Variants in NEK11 observed in about 807,000 individuals in gnomAD.
NEK11 encodes NIMA related kinase 11.
Under a neutral mutation model 80.7 loss-of-function variants are expected in NEK11, and 72 were observed. That is an observed-to-expected ratio of 0.89 (90% confidence interval 0.74 to 1.08). NEK11 has a LOEUF of 1.08. Among genes scored for constraint, NEK11 ranks in the 50% least tolerant of loss-of-function variants. NEK11 has a pLI of 0.00. For synonymous variants in NEK11, 251 were observed against 260.7 expected (o/e 0.96, Z 0.36); for missense variants, 764 against 763.6 (o/e 1.00, Z -0.01).
intron 3 of NEK11, among the ~76,000 whole-genome samples, chr3:131,063,251 C>T (rs909743920): frequency 1.3e-5 from 2 of 152,152 alleles, no homozygotes; most frequent in African/African-American, 4.8e-5. Flanking sequence ...TCTGAAGCTC[C>T]TGGACTTAAG....
chr3:131,109,400 G>T (rs1244533483), intron 4 of NEK11: 1 of 153,590 alleles, frequency 6.5e-6, no homozygotes, highest in African/African-American at 2.4e-5. Flanking sequence ...GCTCATCAAA[G>T]TTAGACTCCT....
intron 14 of NEK11, among the ~76,000 whole-genome samples, chr3:131,194,220 T>C (rs1456654690): frequency 6.6e-6 from 1 of 152,220 alleles, no homozygotes; most frequent in Admixed American, 6.5e-5. Flanking sequence ...TGTATTCCTT[T>C]TGTTGTTTAA....
chr3:131,210,790 T>G (rs2094585921), intron 14 of NEK11, among the ~76,000 whole-genome samples: 1 of 152,220 alleles, frequency 6.6e-6, no homozygotes, highest in Admixed American at 6.5e-5. Context: ...AAACTAAGAT[T>G]GCAATCGCTG....
intron 17 of NEK11, among the ~76,000 whole-genome samples, chr3:131,281,440 T>C (rs2096394392): frequency 6.6e-6 from 1 of 152,236 alleles, no homozygotes; most frequent in Admixed American, 6.5e-5. Context: ...TATTCTTCAC[T>C]TCTTTTTACA....
At position 131,137,913 on chromosome 3, in the gene NEK11, C is replaced by T. The variant is rs149389785; in HGVS notation, c.647+3957C>T. On this transcript the variant is annotated intron_variant, in intron 7 of 17. Transcript: ENST00000383366. Reference sequence around the variant, plus strand: ...AGTAGATGTATATATTTATGGGGTACATGAAATATTTTGATATAGGCATGC... The same window carrying T: ...AGTAGATGTATATATTTATGGGGTATATGAAATATTTTGATATAGGCATGC... 3.5e-3 allele frequency among the ~76,000 whole-genome samples: 527 copies of T among 152,150 alleles called. 1 individual carries two copies. Among genetic ancestry groups the T allele is most frequent in the African/African-American group, 0.012 (499 of 41,508 alleles).
At chr3:131,265,250 T>C (rs2096024993) in intron 16 of NEK11, among the ~76,000 whole-genome samples, 1 of 152,214 alleles carries the variant, frequency 6.6e-6, no homozygotes, top group Admixed American at 6.5e-5. Flanking sequence ...TCCAATACTA[T>C]GTTGAATAGG....
chr3:131,257,653 T>G (rs12632194), intron 16 of NEK11, among the ~76,000 whole-genome samples: 1 of 151,978 alleles, frequency 6.6e-6, no homozygotes, highest in East Asian at 1.9e-4. Flanking sequence ...CTGACGATAG[T>G]GAGAGCTACA....
At chr3:131,287,989 C>G (rs1344865172) in intron 17 of NEK11, among the ~76,000 whole-genome samples, 1 of 152,122 alleles carries the variant, frequency 6.6e-6, no homozygotes, top group Non-Finnish European at 1.5e-5. Context: ...CATAAAAAAC[C>G]TGGTGGCAAA....
At chr3:131,194,452 A>T (rs1483320183) in intron 14 of NEK11, among the ~76,000 whole-genome samples, 1 of 152,096 alleles carries the variant, frequency 6.6e-6, no homozygotes, top group Non-Finnish European at 1.5e-5. Context: ...TTTCAATAGG[A>T]TCCTATAAAT....
chr3:131,336,151 G>A (rs558480695), intron 17 of NEK11, among the ~76,000 whole-genome samples: 7 of 152,136 alleles, frequency 4.6e-5, no homozygotes, highest in East Asian at 1.9e-4. Flanking sequence ...AAAAGAGCCC[G>A]CATCACCAAG....
At chr3:131,322,658 A>G (rs1322178804) in intron 17 of NEK11, among the ~76,000 whole-genome samples, 1 of 152,156 alleles carries the variant, frequency 6.6e-6, no homozygotes, top group Non-Finnish European at 1.5e-5. Flanking sequence ...AGGAGGGGTG[A>G]GAGATTCTGC....
At position 131,261,721 on chromosome 3, in the gene NEK11, C is replaced by T. The variant is rs1299693536; in HGVS notation, c.1622-11757C>T. Among the ~76,000 whole-genome samples the T allele has an allele frequency of 2.0e-5, 3 of 152,058 alleles. No individual in the cohort carries two copies. The East Asian group carries it at 5.8e-4, about 29-fold the overall frequency. ...GCATGCCCCATACATAGTATAGTGT[C>T]TTATGTATATGTACTCCATAGTACT... On this transcript the variant is annotated intron_variant, in intron 16 of 17. Coordinates refer to ENST00000383366, the MANE Select transcript of NEK11 (RefSeq NM_024800.5).
At chr3:131,102,541 G>A (rs2078542973) in intron 4 of NEK11, among the ~76,000 whole-genome samples, 1 of 152,148 alleles carries the variant, frequency 6.6e-6, no homozygotes, top group African/African-American at 2.4e-5. Context: ...CCGCTGAGAG[G>A]TTTGCTGCTA....
At chr3:131,140,940 T>A (rs1286300103) in intron 7 of NEK11, among the ~76,000 whole-genome samples, 4 of 152,166 alleles carry the variant, frequency 2.6e-5, no homozygotes, top group Non-Finnish European at 5.9e-5. Flanking sequence ...ATTCCCATGA[T>A]TCAGTGGTAT....
chr3:131,170,720 A>G (rs111500010), intron 13 of NEK11, 53 bp from the exon 14 acceptor site: 2 of 1,028,720 alleles, frequency 1.9e-6, no homozygotes, highest in Non-Finnish European at 3.1e-6. Flanking sequence ...CATTTGTGGT[A>G]GTGCTGTTTC....
At chr3:131,209,652 C>G (rs1467851801) in intron 14 of NEK11, among the ~76,000 whole-genome samples, 1 of 152,180 alleles carries the variant, frequency 6.6e-6, no homozygotes, top group African/African-American at 2.4e-5. Context: ...ACTGTTGCCT[C>G]AATTTCAGGG....
At chr3:131,242,672 A>G (rs567555627) in intron 15 of NEK11, among the ~76,000 whole-genome samples, 1 of 152,040 alleles carries the variant, frequency 6.6e-6, no homozygotes, top group South Asian at 2.1e-4. Flanking sequence ...CCCACCTTGG[A>G]CTCCCAAAAT....
chr3:131,251,901 T>C (rs1260326254), intron 16 of NEK11, among the ~76,000 whole-genome samples: 1 of 152,120 alleles, frequency 6.6e-6, no homozygotes, highest in East Asian at 1.9e-4. Context: ...GAAATACCTG[T>C]CTGGTGTGGA....
rs1183567980 is a variant in NEK11, at chr3:131,350,034, C to T, written c.*258C>T. 1 of 423,618 alleles carries T rather than the reference C, an allele frequency of 2.4e-6. No individual in the cohort carries two copies. The highest frequency in any genetic ancestry group is 2.0e-5 in the African/African-American group (1 of 49,472). The allele number at this position is 423,618 out of a possible 1,614,324, so 26.2% of individuals were successfully genotyped here. A position where few individuals can be genotyped will look rare whatever the true frequency, so the allele number is the denominator to read the frequency against. The stretch of plus-strand genomic sequence containing the variant: ...TTTGGCTCCCTTGAAAAGCATTTCT[C>T]TCATGTGCGCCCTCAGGGCTTCCAG... On this transcript the variant is annotated 3_prime_UTR_variant, in exon 18 of 18. Transcript: ENST00000383366.
Sources: gnomAD v4.1 joint callset for allele counts (sites outside exome capture counted in the v4.1 genomes callset) on GRCh38, gnomAD v4.1.1 for gene constraint, MANE v1.5 for transcripts, NCBI Gene and HGNC (gene_info 2026-07-23, HGNC 2026-07-21) for gene names.